The following C3orf52 variants were observed in gnomAD, a reference collection of about 807,000 sequenced individuals.
C3orf52 encodes the protein chromosome 3 open reading frame 52.
A neutral mutation model predicts 24.8 loss-of-function variants in C3orf52; 22 were observed. That is an observed-to-expected ratio of 0.89 (90% CI 0.63 to 1.27). The LOEUF (loss-of-function observed/expected upper bound fraction) is 1.27. Ranked by LOEUF, C3orf52 falls within the 50% of genes most tolerant of loss-of-function variation. The pLI, the probability that C3orf52 is intolerant of heterozygous loss-of-function variation, is 0.00. For synonymous variants in C3orf52, 93 were observed against 100.2 expected, an observed-to-expected ratio of 0.93 and a Z score of 0.43; for missense variants, 265 against 260.7, an observed-to-expected ratio of 1.02 and a Z score of -0.11.
chr3:112,092,694 C>T (rs1458306105), intron 1 of C3orf52, among the ~76,000 whole-genome samples: 2 of 152,188 alleles, frequency 1.3e-5, no homozygotes, highest in Non-Finnish European at 2.9e-5. Context: ...TTGACCCCTC[C>T]TCTGCCTCAC....
intron 5 of C3orf52, 128 bp downstream of exon 5, chr3:112,113,273 A>G (rs340165): frequency 0.39 from 258,552 of 670,990 alleles, 51,292 homozygotes; most frequent in African/African-American, 0.56. Flanking sequence ...TCATTTATTC[A>G]CTCATCCCCT....
chr3:112,109,667 C>A lies in C3orf52; in HGVS notation c.467+54C>A. The A allele has an allele frequency of 6.4e-6, 7 of 1,099,088 alleles. No homozygotes were observed. In the South Asian group the frequency reaches 6.6e-5, roughly 10 times the overall value. The allele number at this position is 1,099,088 out of a possible 1,614,324, so 68.1% of individuals were successfully genotyped here. ...CTCTTTCTCTGGAAAGAGATCCCCC[C>A]ACCCCACCCTTCGTCATTTACCTAG... On this transcript the variant is annotated intron_variant, in intron 4 of 5. Transcript: ENST00000264848.
At chr3:112,122,329 TA>T (rs2107796292), downstream of C3orf52, 1 of 152,308 alleles carries the variant, frequency 6.6e-6, no homozygotes, top group African/African-American at 2.4e-5. Flanking sequence ...TCATAGATAG[TA>T]GGTAAACAAA....
Position 112,113,129 on chromosome 3 carries a change from A to T in C3orf52, c.633A>T (p.Thr211=). 1 of 1,607,948 alleles carries T rather than the reference A, an allele frequency of 6.2e-7. No individual in the cohort carries two copies. The highest frequency in any genetic ancestry group is 8.5e-7 in the Non-Finnish European group (1 of 1,177,288). ...GTGAGAGTCTGGGGCTTGATCCAAC[A>T]TCCCTCTTGCTCTATGGTAAGTAGA... ...PGCESLGLDP[T]SLLLYE Residue 211 remains threonine, a synonymous_variant, in exon 5 of 6, where the codon ACA becomes ACT. Coordinates refer to ENST00000264848, the MANE Select transcript of C3orf52 (RefSeq NM_024616.3).
intron 4 of C3orf52, among the ~76,000 whole-genome samples, chr3:112,124,110 G>T (rs2074257110): frequency 6.6e-6 from 1 of 152,204 alleles, no homozygotes; most frequent in African/African-American, 2.4e-5. Context: ...AGGTGTTTTG[G>T]TTATGGGAGC....
At chr3:112,108,381 T>G (rs340169) in intron 3 of C3orf52, among the ~76,000 whole-genome samples, 148,911 of 152,300 alleles carry the variant, frequency 0.98, 72,883 homozygotes, top group East Asian at 1. Context: ...AAATGGATAT[T>G]TATACATTGC....
In C3orf52 at chr3:112,115,973, G is replaced by A. The variant is rs146073790; in HGVS notation, c.650-669G>A. Reference sequence around the variant, plus strand: ...GGGGGAAGTCTGTTTTACAAAGGTCGAAGAATAGGTCAGCATCATGAGTTA... The same window carrying A: ...GGGGGAAGTCTGTTTTACAAAGGTCAAAGAATAGGTCAGCATCATGAGTTA... On this transcript the variant is annotated intron_variant, in intron 5 of 5. Transcript: ENST00000264848. Among the ~76,000 whole-genome samples, 5 of 152,290 alleles carry A rather than the reference G, an allele frequency of 3.3e-5. No individual in the cohort carries two copies. In the East Asian group the frequency reaches 9.6e-4, roughly 29 times the overall value.
intron 3 of C3orf52, among the ~76,000 whole-genome samples, chr3:112,104,758 T>G (rs983390556): frequency 1.3e-5 from 2 of 152,182 alleles, no homozygotes; most frequent in Non-Finnish European, 2.9e-5. Context: ...GTGTACACTG[T>G]GCCCAATTTG....
In C3orf52 at chr3:112,116,562, A is replaced by G. The variant is rs2074134897; in HGVS notation, c.650-80A>G. Reference sequence around the variant, plus strand: ...ATCTAAGATTTTACACTAAAATTCAATGAAATGAAATGAAAACGTAAGCAT... The same window carrying G: ...ATCTAAGATTTTACACTAAAATTCAGTGAAATGAAATGAAAACGTAAGCAT... On this transcript the variant is annotated intron_variant, in intron 5 of 5. Transcript: ENST00000264848. 1.1e-5 allele frequency: 14 copies of G among 1,265,816 alleles called. 1 individual carries two copies. The South Asian group carries it at 1.6e-4, about 14-fold the overall frequency. The allele number at this position is 1,265,816 out of a possible 1,614,324, so 78.4% of individuals were successfully genotyped here.
intron 4 of C3orf52, among the ~76,000 whole-genome samples, chr3:112,125,569 A>T (rs1396545906): frequency 2.0e-5 from 3 of 152,160 alleles, no homozygotes; most frequent in African/African-American, 7.2e-5. Context: ...CACAAAATTG[A>T]TTTGTGTTCC....
chr3:112,102,392 A>T (rs1198365785), intron 2 of C3orf52, among the ~76,000 whole-genome samples: 1 of 151,866 alleles, frequency 6.6e-6, no homozygotes, highest in Non-Finnish European at 1.5e-5. Flanking sequence ...GTCTATAAAT[A>T]TACCTTGACC....
chr3:112,090,639 A>G (rs2073869285), intron 1 of C3orf52, among the ~76,000 whole-genome samples: 1 of 152,124 alleles, frequency 6.6e-6, no homozygotes. Context: ...TAAAATTTTA[A>G]GCTGAGTTCC....
chr3:112,089,867 G>A (rs2107773247), intron 1 of C3orf52, among the ~76,000 whole-genome samples: 1 of 152,322 alleles, frequency 6.6e-6, no homozygotes, highest in South Asian at 2.1e-4. Flanking sequence ...TCATAGGAAA[G>A]CCCTGAAAAT....
chr3:112,097,892 G>A (rs943707175), intron 2 of C3orf52, among the ~76,000 whole-genome samples: 1 of 152,064 alleles, frequency 6.6e-6, no homozygotes, highest in Non-Finnish European at 1.5e-5. Context: ...CTTAATTTAT[G>A]CCTAGTGTTC....
At chr3:112,120,224 G>A (rs1396076653), downstream of C3orf52, among the ~76,000 whole-genome samples, 1 of 152,206 alleles carries the variant, frequency 6.6e-6, no homozygotes, top group Non-Finnish European at 1.5e-5. Flanking sequence ...CTGAATTGAG[G>A]CTATAGGCTT....
chr3:112,124,775 G>A (rs903618493), intron 4 of C3orf52, among the ~76,000 whole-genome samples: 4 of 152,144 alleles, frequency 2.6e-5, no homozygotes, highest in Non-Finnish European at 5.9e-5. Context: ...AAGCAGCAAA[G>A]TACAGGGGGA....
In C3orf52 at chr3:112,117,247, G is replaced by T; in HGVS notation, c.*601G>T. On this transcript the variant is annotated 3_prime_UTR_variant, in exon 6 of 6. Transcript: ENST00000264848. ...AAGCCAGGCTGTGAAGAAAAGGAAG[G>T]CACTTTAGAAGACCTCAGCAGTGTG... is the stretch of plus-strand genomic sequence containing the variant. 2.1e-6 allele frequency: 1 copy of T among 475,190 alleles called. No homozygotes were observed. Among genetic ancestry groups the T allele is most frequent in the South Asian group, 3.9e-5 (1 of 25,424 alleles). The allele number at this position is 475,190 out of a possible 1,614,324, so 29.4% of individuals were successfully genotyped here.
chr3:112,133,396 G>A (rs1035327358), downstream of C3orf52: 6 of 407,892 alleles, frequency 1.5e-5, no homozygotes, highest in Admixed American at 1.7e-4. Flanking sequence ...TGAGAGCTTC[G>A]AACCTCTGGG....
chr3:112,121,378 T>C (rs2074196410), downstream of C3orf52: 1 of 152,196 alleles, frequency 6.6e-6, no homozygotes, highest in Non-Finnish European at 1.5e-5. Context: ...TCATAAAAGA[T>C]TTTTGTTTCT....
Sources: allele counts gnomAD v4.1 joint callset (sites outside exome capture counted in the v4.1 genomes callset), GRCh38; gene constraint gnomAD v4.1.1; transcripts MANE v1.5; gene names NCBI Gene and HGNC (gene_info 2026-07-23, HGNC 2026-07-21).